UNC80: variants seen among roughly 807,000 people sequenced by gnomAD.
UNC80 encodes protein unc-80 homolog.
UNC80 carries 164 observed loss-of-function variants against 384.6 expected under a neutral mutation model. The ratio of observed to expected loss-of-function variants is 0.43; its 90% CI spans 0.38 to 0.49. The LOEUF is 0.49. UNC80 is among the 20% of genes least tolerant of loss of function. UNC80 has a pLI of 0.00. For synonymous variants in UNC80, 1,486 were observed against 1,527.8 expected (o/e 0.97, Z 0.64); for missense variants, 3,330 against 4,143.0 (o/e 0.80, Z 5.39).
At chr2:209,942,538 G>C (rs575436238) in intron 44 of UNC80, among the ~76,000 whole-genome samples, 2 of 152,226 alleles carry the variant, frequency 1.3e-5, no homozygotes, top group Admixed American at 6.5e-5. Flanking sequence ...ATCAGGCAGG[G>C]CCCAGGGGCT....
chr2:209,789,838 T>C (rs1397649142), intron 6 of UNC80, among the ~76,000 whole-genome samples: 1 of 152,156 alleles, frequency 6.6e-6, no homozygotes, highest in African/African-American at 2.4e-5. Context: ...ACTAGTATTT[T>C]ATCTCGGTGG....
intron 22 of UNC80, among the ~76,000 whole-genome samples, chr2:209,863,740 C>T (rs144479927): frequency 0.021 from 3,212 of 151,952 alleles, 65 homozygotes; most frequent in Non-Finnish European, 0.034. Context: ...TTCCTCTAAC[C>T]TTTTATCAAG....
chr2:209,998,770 C>T lies in UNC80; in HGVS notation c.*3175C>T, dbSNP rs2093518425. On this transcript the variant is annotated 3_prime_UTR_variant, in exon 65 of 65. Transcript: ENST00000673920. Reference sequence around the variant, plus strand: ...AAAGGATACTTTAATAGAACACAGTCTCCAGAATTCGCTGCTATCACACCA... The same window carrying T: ...AAAGGATACTTTAATAGAACACAGTTTCCAGAATTCGCTGCTATCACACCA... The T allele has an allele frequency of 6.6e-6, 1 of 152,216 alleles. No individual in the cohort carries two copies. Among genetic ancestry groups the T allele is most frequent in the Admixed American group, 6.5e-5 (1 of 15,282 alleles). 9.4% of individuals were successfully genotyped at this position (152,216 alleles called of 1,614,324 possible).
At chr2:209,788,463 G>A (rs13020745) in intron 5 of UNC80, among the ~76,000 whole-genome samples, 72,739 of 148,366 alleles carry the variant, frequency 0.49, 20,061 homozygotes, top group Admixed American at 0.6. Flanking sequence ...AAGTACATAC[G>A]TTTATAAGTA....
intron 22 of UNC80, among the ~76,000 whole-genome samples, chr2:209,865,826 A>G (rs2083706507): frequency 6.6e-6 from 1 of 152,208 alleles, no homozygotes; most frequent in Non-Finnish European, 1.5e-5. Flanking sequence ...AATTGGCAGT[A>G]GATCTCTCAA....
At chr2:209,922,002 C>A (rs768592208) in intron 34 of UNC80, among the ~76,000 whole-genome samples, 19 of 152,142 alleles carry the variant, frequency 1.2e-4, no homozygotes, top group Non-Finnish European at 2.2e-4. Flanking sequence ...CAGTTGGTAT[C>A]AAAAATGATT....
intron 35 of UNC80, 60 bp from the exon 36 acceptor site, chr2:209,926,783 C>T (rs929021593): frequency 2.6e-6 from 4 of 1,537,964 alleles, no homozygotes; most frequent in South Asian, 1.2e-5. Context: ...CTCAAAACAA[C>T]AGTAGCAACA....
At chr2:209,880,797 A>C (rs2085221661) in intron 24 of UNC80, among the ~76,000 whole-genome samples, 164 bp from the exon 25 acceptor site, 1 of 152,212 alleles carries the variant, frequency 6.6e-6, no homozygotes, top group Non-Finnish European at 1.5e-5. Flanking sequence ...GAACTTACAT[A>C]GATATAGATG....
intron 38 of UNC80, among the ~76,000 whole-genome samples, chr2:209,932,236 A>G (rs1045823403): frequency 1.3e-5 from 2 of 152,126 alleles, no homozygotes; most frequent in Non-Finnish European, 2.9e-5. Flanking sequence ...GGGCTCTAAC[A>G]TAGGAAGTCC....
chr2:209,949,068 T>A (rs1349838453), intron 47 of UNC80, among the ~76,000 whole-genome samples: 1 of 152,232 alleles, frequency 6.6e-6, no homozygotes, highest in African/African-American at 2.4e-5. Context: ...TGTATAATTA[T>A]CATTTTTCAG....
At chr2:209,966,740 C>T (rs933009913) in intron 51 of UNC80, among the ~76,000 whole-genome samples, 2 of 152,216 alleles carry the variant, frequency 1.3e-5, no homozygotes, top group South Asian at 4.1e-4. Flanking sequence ...TGTATGGAAC[C>T]GAGTTGGGAA....
At chr2:209,919,183 C>T (rs1409855821) in intron 33 of UNC80, among the ~76,000 whole-genome samples, 1 of 152,126 alleles carries the variant, frequency 6.6e-6, no homozygotes, top group Admixed American at 6.5e-5. Context: ...ATTTAGAACA[C>T]AGTCCATTTA....
intron 23 of UNC80, among the ~76,000 whole-genome samples, chr2:209,874,304 C>G (rs1487594509): frequency 6.6e-6 from 1 of 152,140 alleles, no homozygotes; most frequent in Non-Finnish European, 1.5e-5. Context: ...TTCCAACCCC[C>G]CATTTATTAC....
At chr2:209,818,280 C>T (rs1197911315) in intron 11 of UNC80, among the ~76,000 whole-genome samples, 1 of 152,062 alleles carries the variant, frequency 6.6e-6, no homozygotes, top group Non-Finnish European at 1.5e-5. Context: ...TGAGATCTCT[C>T]TGAAGGGCTT....
intron 58 of UNC80, 45 bp downstream of exon 58, chr2:209,977,123 C>T: frequency 6.9e-7 from 1 of 1,440,834 alleles, no homozygotes; most frequent in Non-Finnish European, 9.3e-7. Flanking sequence ...ACTAATGGAA[C>T]TCACAGCCTA....
intron 24 of UNC80, among the ~76,000 whole-genome samples, chr2:209,878,443 G>A (rs1482177617): frequency 6.6e-6 from 1 of 152,084 alleles, no homozygotes; most frequent in African/African-American, 2.4e-5. Flanking sequence ...ATTTTGTCAG[G>A]TTTTGTGTTT....
intron 22 of UNC80, among the ~76,000 whole-genome samples, chr2:209,865,031 G>A (rs1160352270): frequency 1.3e-5 from 2 of 152,160 alleles, no homozygotes; most frequent in Non-Finnish European, 2.9e-5. Flanking sequence ...TTAAAAGCAC[G>A]GCTTCTCTGC....
rs917171654 is a variant in UNC80 at position 209,877,962 on chromosome 2, C to T, written c.3849C>T (p.Gly1283=). ...TTTCCTTCCCATTTTAGGCAATTGG[C>T]GTCCGATTGAATGAGCTGTGCCACG... ...KLFYQWGDAI[G]VRLNELCHGE... is the part of the protein sequence containing the mutation. The change falls in exon 24 of 65, where the codon GGC becomes GGT. Residue 1283 remains glycine (G), a synonymous_variant. Coordinates refer to ENST00000673920, the MANE Select transcript of UNC80 (RefSeq NM_001371986.1). 1.5e-5 allele frequency: 23 copies of T among 1,527,642 alleles called. No homozygotes were observed. Among genetic ancestry groups the T allele is most frequent in the East Asian group, 1.0e-4 (4 of 39,970 alleles). The allele number at this position is 1,527,642 out of a possible 1,614,324, so 94.6% of individuals were successfully genotyped here. A position where few individuals can be genotyped will look rare whatever the true frequency, so the allele number is the denominator to read the frequency against.
chr2:209,820,580 A>AGGAGGAGGTGGAGAT lies in UNC80; in HGVS notation c.2246_2260dup (p.Asp749_Gly753dup). The stretch of plus-strand genomic sequence containing the variant: ...GAGCTGGAGATGGTGGAGGAGAAGA[A>AGGAGGAGGTGGAGAT]GGAGGAGGTGGAGATGGAGGAGGTG... On this transcript the variant is annotated inframe_insertion, in exon 13 of 65. Coordinates refer to ENST00000673920, the MANE Select transcript of UNC80 (RefSeq NM_001371986.1). 1.9e-6 allele frequency: 3 copies of AGGAGGAGGTGGAGAT among 1,551,262 alleles called. No individual in the cohort carries two copies. Among genetic ancestry groups the AGGAGGAGGTGGAGAT allele is most frequent in the East Asian group, 4.9e-5 (2 of 40,882 alleles).
Sources: gnomAD v4.1 joint callset for allele counts (sites outside exome capture counted in the v4.1 genomes callset) on GRCh38, gnomAD v4.1.1 for gene constraint, MANE v1.5 for transcripts, NCBI Gene and HGNC (gene_info 2026-07-23, HGNC 2026-07-21) for gene names.